The following RAD51 variants were observed in gnomAD, a reference collection of about 807,000 sequenced individuals.
RAD51 encodes RAD51 recombinase.
In RAD51, 14 loss-of-function variants were observed where a neutral mutation model predicts 41.5. The ratio of observed to expected loss-of-function variants is 0.34; its 90% confidence interval spans 0.22 to 0.53. The LOEUF is 0.53. RAD51 is among the 20% of genes least tolerant of loss of function. The probability of loss-of-function intolerance (pLI) is 0.95; values close to 1 mark genes in which losing one functional copy is unlikely to be tolerated. For missense variants in RAD51, 234 were observed against 422.0 expected, an observed-to-expected ratio of 0.55 and a Z score of 3.90; for synonymous variants, 136 against 148.6, an observed-to-expected ratio of 0.92 and a Z score of 0.62.
At chr15:40,696,190 T>C (rs1167424116) in intron 1 of RAD51, among the ~76,000 whole-genome samples, 2 of 151,026 alleles carry the variant, frequency 1.3e-5, no homozygotes, top group Non-Finnish European at 2.9e-5. Context: ...TGTTTTTTTG[T>C]TTGTTTGTTT....
chr15:40,723,263 G>A (rs1198437525), intron 6 of RAD51, among the ~76,000 whole-genome samples: 3 of 152,050 alleles, frequency 2.0e-5, no homozygotes, highest in African/African-American at 7.2e-5. Context: ...AATATACAAC[G>A]GTGGTCTCTT....
intron 1 of RAD51, among the ~76,000 whole-genome samples, chr15:40,698,116 C>T (rs1478493661): frequency 6.6e-6 from 1 of 152,116 alleles, no homozygotes; most frequent in East Asian, 1.9e-4. Context: ...CTGCCGCCCC[C>T]TGCAACAGCT....
At position 40,718,680 on chromosome 15, in the gene RAD51, C is replaced by T. The variant is rs527721811; in HGVS notation, c.436-125C>T. ...ATCAGAAGGGAATGCCTCCTTCCTA[C>T]CACTGTCATTTTTAAATGTTTTTTT... On this transcript the variant is annotated intron_variant, in intron 5 of 9. Transcript: ENST00000267868. The T allele has an allele frequency of 2.8e-5, 23 of 814,290 alleles. No homozygotes were observed. In the South Asian group the frequency reaches 3.1e-4, roughly 11 times the overall value. 50.4% of individuals were successfully genotyped at this position (814,290 alleles called of 1,614,324 possible).
Position 40,707,719 on chromosome 15 carries a change from T to G in RAD51, c.344-1306T>G, listed in dbSNP as rs553067852. Among the ~76,000 whole-genome samples, 18 of 152,092 alleles carry G rather than the reference T, an allele frequency of 1.2e-4. No individual in the cohort carries two copies. The East Asian group carries it at 2.3e-3, about 20-fold the overall frequency. On this transcript the variant is annotated intron_variant, in intron 4 of 9. Transcript: ENST00000267868. ...ATGTTTTTTTTTGTTGTTGTTGGTT[T>G]GTTTGTTTGTTTTTTAAAGACAGAG...
At chr15:40,698,674 T>TA in intron 1 of RAD51, 83 bp from the exon 2 acceptor site, 2 of 1,318,738 alleles carry the variant, frequency 1.5e-6, no homozygotes, top group Middle Eastern at 1.8e-4. Context: ...GTCTTTTTGA[T>TA]ACGACTAGCT....
At chr15:40,712,852 G>GAAC (rs1895772373) in intron 5 of RAD51, among the ~76,000 whole-genome samples, 1 of 136,694 alleles carries the variant, frequency 7.3e-6, no homozygotes, top group Admixed American at 7.3e-5. Flanking sequence ...ACTCAACTCT[G>GAAC]TTGAGTTTTT....
chr15:40,725,039 A>G (rs1896509450), intron 6 of RAD51, among the ~76,000 whole-genome samples: 1 of 151,246 alleles, frequency 6.6e-6, no homozygotes, highest in African/African-American at 2.4e-5. Flanking sequence ...AGCTGGGACT[A>G]CAGGCGCCCG....
intron 6 of RAD51, among the ~76,000 whole-genome samples, chr15:40,727,977 A>G (rs1596023741): frequency 6.6e-6 from 1 of 150,550 alleles, no homozygotes; most frequent in Non-Finnish European, 1.5e-5. Context: ...CTTCTGCCTC[A>G]GCCTCCCAAG....
rs45528436 is a variant in RAD51 at position 40,702,680 on chromosome 15, G to C, written c.225+1479G>C. 7.9e-5 allele frequency among the ~76,000 whole-genome samples: 12 copies of C among 152,118 alleles called. No individual in the cohort carries two copies. In the East Asian group the frequency reaches 2.1e-3, roughly 27 times the overall value. On this transcript the variant is annotated intron_variant, in intron 3 of 9. Transcript: ENST00000267868. ...TTACAGGCTCCCACCACCACACGTG[G>C]CTAATTTTTGTATTTTCAGTTGAGA...
At chr15:40,703,161 G>A (rs1895107364) in intron 3 of RAD51, among the ~76,000 whole-genome samples, 3 of 152,100 alleles carry the variant, frequency 2.0e-5, no homozygotes, top group Admixed American at 2.0e-4. Flanking sequence ...AAGCTCTGTG[G>A]AGGCAGGAAT....
intron 6 of RAD51, among the ~76,000 whole-genome samples, chr15:40,722,225 A>G (rs559324737): frequency 6.6e-6 from 1 of 152,244 alleles, no homozygotes; most frequent in East Asian, 1.9e-4. Context: ...CAGCCTGGCC[A>G]ACATGGTGAA....
chr15:40,705,520 C>T (rs142075311), intron 3 of RAD51, among the ~76,000 whole-genome samples: 1 of 152,172 alleles, frequency 6.6e-6, no homozygotes, highest in Non-Finnish European at 1.5e-5. Context: ...GTTGATGGAG[C>T]AGGAAATGAA....
chr15:40,726,912 CA>C (rs529781901), intron 6 of RAD51, among the ~76,000 whole-genome samples: 65 of 120,564 alleles, frequency 5.4e-4, no homozygotes, highest in Middle Eastern at 4.5e-3. Context: ...GACTCCGTCT[CA>C]AAAAAAAAAA....
chr15:40,713,245 CTTTTTTTTTTT>C (rs368095686), intron 5 of RAD51, among the ~76,000 whole-genome samples: 1 of 127,142 alleles, frequency 7.9e-6, no homozygotes, highest in Non-Finnish European at 1.6e-5. Flanking sequence ...TCTTATTTTC[CTTTTTTTTTTT>C]TTTTTTATTT....
At chr15:40,720,251 T>G (rs1896204156) in intron 6 of RAD51, among the ~76,000 whole-genome samples, 1 of 151,808 alleles carries the variant, frequency 6.6e-6, no homozygotes, top group Non-Finnish European at 1.5e-5. Context: ...GCCTGGCTAA[T>G]TTTTGTATTT....
chr15:40,713,283 C>T (rs1373818612), intron 5 of RAD51, among the ~76,000 whole-genome samples: 2 of 138,814 alleles, frequency 1.4e-5, no homozygotes, highest in Non-Finnish European at 1.5e-5. Flanking sequence ...GAGTCTCTGT[C>T]GCCTAGGCAG....
chr15:40,719,826 C>T (rs1399274892), intron 6 of RAD51, among the ~76,000 whole-genome samples: 7 of 115,820 alleles, frequency 6.0e-5, no homozygotes, highest in Non-Finnish European at 1.1e-4. Context: ...AGCAAGAATC[C>T]GTCTCAAAAA....
At chr15:40,727,857 T>C (rs1169130662) in intron 6 of RAD51, among the ~76,000 whole-genome samples, 2 of 138,024 alleles carry the variant, frequency 1.4e-5, no homozygotes, top group African/African-American at 5.6e-5. Flanking sequence ...ATGTAAACAT[T>C]CTCTTTTTTT....
Position 40,701,186 on chromosome 15 carries a change from A to G in RAD51, c.210A>G (p.Lys70=). The G allele has an allele frequency of 6.2e-7, 1 of 1,614,160 alleles. No homozygotes were observed. Among genetic ancestry groups the G allele is most frequent in the Non-Finnish European group, 8.5e-7 (1 of 1,180,028 alleles). Residue 70 remains lysine, a synonymous_variant, in exon 3 of 10, where the codon AAA becomes AAG. Coordinates refer to ENST00000267868, the MANE Select transcript of RAD51 (RefSeq NM_002875.5). The part of the protein sequence containing the change: ...LINIKGISEA[K]ADKILAEAAK... ...ATATTAAGGGAATTAGTGAAGCCAA[A>G]GCTGATAAAATTCTGGTAAGTACTG...
Sources: allele counts gnomAD v4.1 joint callset (sites outside exome capture counted in the v4.1 genomes callset), GRCh38; gene constraint gnomAD v4.1.1; transcripts MANE v1.5; gene names NCBI Gene and HGNC (gene_info 2026-07-23, HGNC 2026-07-21).